TMPRSS9: variants seen among roughly 807,000 people sequenced by gnomAD.
The protein encoded by TMPRSS9 is transmembrane serine protease 9, also known as transmembrane protease serine 9.
Under a neutral mutation model 111.4 loss-of-function variants are expected in TMPRSS9, and 113 were observed. That is an observed-to-expected ratio of 1.01 (90% CI 0.87 to 1.19). The LOEUF is 1.19. TMPRSS9 is among the 50% of genes most tolerant of loss of function. The pLI, the probability that TMPRSS9 is intolerant of heterozygous loss-of-function variation, is 0.00. For synonymous variants in TMPRSS9, 805 were observed against 659.1 expected (o/e 1.22, Z -3.39); for missense variants, 1,803 against 1,513.1 (o/e 1.19, Z -3.18).
chr19:2,396,099 G>T (rs1233384989), intron 1 of TMPRSS9: 5 of 156,606 alleles, frequency 3.2e-5, no homozygotes, highest in Non-Finnish European at 7.0e-5. Flanking sequence ...CTGTGCTCAT[G>T]CCCCTGCCAT....
chr19:2,418,410 A>T (rs190957540), intron 13 of TMPRSS9, among the ~76,000 whole-genome samples: 1 of 7,204 alleles, frequency 1.4e-4, no homozygotes, highest in Non-Finnish European at 2.3e-4. Context: ...CTTTCCTTCC[A>T]TTCCTTCCCT....
At chr19:2,400,209 C>T (rs1970801040) in intron 4 of TMPRSS9, among the ~76,000 whole-genome samples, 1 of 152,226 alleles carries the variant, frequency 6.6e-6, no homozygotes, top group African/African-American at 2.4e-5. Context: ...TGGCCAACCC[C>T]CTACTGTAGA....
chr19:2,385,266 G>C (rs1007626959), upstream of TMPRSS9, among the ~76,000 whole-genome samples: 1 of 151,828 alleles, frequency 6.6e-6, no homozygotes, highest in African/African-American at 2.4e-5. Flanking sequence ...AGGGATCCCA[G>C]TGCTCCCGGT....
At chr19:2,422,354 C>G (rs1006157243) in intron 14 of TMPRSS9, 107 bp downstream of exon 15, 1 of 1,338,722 alleles carries the variant, frequency 7.5e-7, no homozygotes, top group South Asian at 1.7e-5. Flanking sequence ...CCGAGGCGGG[C>G]GGATCAAGAG....
intron 1 of TMPRSS9, among the ~76,000 whole-genome samples, chr19:2,381,668 T>G (rs1051564788): frequency 2.6e-5 from 4 of 151,998 alleles, no homozygotes; most frequent in African/African-American, 9.7e-5. Context: ...CCTTTCTCAT[T>G]GGCTCTGGAT....
At chr19:2,409,560 G>GAGGGAAATGAATCC (rs1242078480) in intron 8 of TMPRSS9, among the ~76,000 whole-genome samples, 51 of 152,278 alleles carry the variant, frequency 3.3e-4, no homozygotes, top group Middle Eastern at 3.4e-3. Context: ...ATGACTGACA[G>GAGGGAAATGAATCC]AGGGAAATGA....
intron 1 of TMPRSS9, among the ~76,000 whole-genome samples, chr19:2,368,239 GGAATTAA>G (rs1970262418): frequency 6.6e-6 from 1 of 151,928 alleles, no homozygotes; most frequent in Admixed American, 6.6e-5. Context: ...AAGACAAATG[GGAATTAA>G]GCAGTTCCAG....
intron 8 of TMPRSS9, among the ~76,000 whole-genome samples, chr19:2,409,750 G>A (rs1971055548): frequency 6.6e-6 from 1 of 152,018 alleles, no homozygotes; most frequent in African/African-American, 2.4e-5. Context: ...GCAGGGCAGG[G>A]GTTGATGTGA....
intron 9 of TMPRSS9, 21 bp from the exon 11 acceptor site, chr19:2,413,679 G>A (rs756840625): frequency 1.3e-6 from 2 of 1,587,772 alleles, no homozygotes; most frequent in South Asian, 1.1e-5. Context: ...CCCATCCTGA[G>A]GGTGTGTGTT....
At chr19:2,402,900 C>T (rs1284355464) in intron 5 of TMPRSS9, among the ~76,000 whole-genome samples, 182 bp from the exon 7 acceptor site, 2 of 152,020 alleles carry the variant, frequency 1.3e-5, no homozygotes, top group Non-Finnish European at 2.9e-5. Flanking sequence ...ACTGCACTCC[C>T]GTTTGGGTAA....
chr19:2,405,945 C>T lies in TMPRSS9; in HGVS notation c.842+400C>T, dbSNP rs187655521. Reference sequence around the variant, plus strand: ...TCTCCTGACCTTGTGATCTGCCTGCCTTGGCCTCCCAAAGTGCTGGGATTA... The same window carrying T: ...TCTCCTGACCTTGTGATCTGCCTGCTTTGGCCTCCCAAAGTGCTGGGATTA... On this transcript the variant is annotated intron_variant, in intron 7 of 17. Transcript: ENST00000648592. Among the ~76,000 whole-genome samples, 142 of 151,550 alleles carry T rather than the reference C, an allele frequency of 9.4e-4. 3 individuals carry two copies. The East Asian group carries it at 0.026, about 27-fold the overall frequency.
exon 12 of TMPRSS9, chr19:2,416,577 G>A (rs774948901): frequency 2.4e-5 from 39 of 1,611,492 alleles, no homozygotes; most frequent in Admixed American, 5.0e-5. Context: ...TGGGCACTGC[G>A]TCCCTCCTGG....
chr19:2,383,198 A>G (rs1387333761), intron 1 of TMPRSS9, among the ~76,000 whole-genome samples: 1 of 152,082 alleles, frequency 6.6e-6, no homozygotes, highest in Non-Finnish European at 1.5e-5. Context: ...TACTAAAAAT[A>G]CAAAAATTAG....
chr19:2,425,225 A>G (rs767616929), exon 16 of TMPRSS9: 1 of 1,458,570 alleles, frequency 6.9e-7, no homozygotes, highest in South Asian at 1.3e-5. Flanking sequence ...CCCGGACGGC[A>G]CGCGCTGCGT....
chr19:2,367,625 A>G (rs1479269575), intron 1 of TMPRSS9, among the ~76,000 whole-genome samples: 1 of 146,022 alleles, frequency 6.8e-6, no homozygotes, highest in East Asian at 2.0e-4. Flanking sequence ...ATTCAGTGGC[A>G]CGATCTCAGC....
At chr19:2,364,121 G>T (rs530389332) in intron 1 of TMPRSS9, among the ~76,000 whole-genome samples, 3 of 152,220 alleles carry the variant, frequency 2.0e-5, no homozygotes, top group African/African-American at 7.2e-5. Context: ...GTTGGAGGCT[G>T]CAGTGAACTG....
chr19:2,396,673 G>T lies in TMPRSS9; in HGVS notation c.270+7G>T. The stretch of plus-strand genomic sequence containing the variant: ...GCCCACCCTGGAGGCACTGGTGAGG[G>T]TGGTCTGTGTTTGGGGGCCAGGGAG... On this transcript the variant is annotated splice_region_variant and intron_variant, in intron 2 of 17. Coordinates refer to ENST00000648592, the Ensembl canonical transcript of TMPRSS9. 9 of 1,603,214 alleles carry T rather than the reference G, an allele frequency of 5.6e-6. No homozygotes were observed. Among genetic ancestry groups the T allele is most frequent in the Non-Finnish European group, 7.7e-6 (9 of 1,173,018 alleles).
chr19:2,398,146 AT>A (rs1423422508), intron 2 of TMPRSS9, among the ~76,000 whole-genome samples: 1 of 148,758 alleles, frequency 6.7e-6, no homozygotes, highest in Non-Finnish European at 1.5e-5. Flanking sequence ...AATACAAAAA[AT>A]TAGCCACGCA....
At chr19:2,373,561 C>T (rs377077510) in intron 1 of TMPRSS9, among the ~76,000 whole-genome samples, 16 of 151,688 alleles carry the variant, frequency 1.1e-4, no homozygotes, top group South Asian at 4.2e-4. Flanking sequence ...GACGGGGTTT[C>T]GCCGTGTTGG....
Sources: gnomAD v4.1 joint callset for allele counts (sites outside exome capture counted in the v4.1 genomes callset) on GRCh38, gnomAD v4.1.1 for gene constraint, MANE v1.5 for transcripts, NCBI Gene and HGNC (gene_info 2026-07-23, HGNC 2026-07-21) for gene names.